METTL25: variants seen among roughly 807,000 people sequenced by gnomAD.
The protein encoded by METTL25 is probable methyltransferase-like protein 25.
METTL25 carries 64 observed loss-of-function variants against 71.6 expected under a neutral mutation model. That is an observed-to-expected ratio of 0.89 (90% CI 0.73 to 1.10). The LOEUF is 1.10. Ranked by LOEUF, METTL25 falls within the 50% of genes least tolerant of loss-of-function variation. METTL25 has a pLI of 0.00. For missense variants in METTL25, 807 were observed against 707.0 expected (o/e 1.14, Z -1.60); for synonymous variants, 287 against 250.3 (o/e 1.15, Z -1.38).
intron 8 of METTL25, chr12:82,439,125 G>T (rs1890143474): frequency 6.1e-6 from 1 of 163,840 alleles, no homozygotes; most frequent in African/African-American, 2.4e-5. Context: ...TTCATAAACA[G>T]CATAACACTT....
At chr12:82,425,208 C>G (rs1294055059) in intron 5 of METTL25, among the ~76,000 whole-genome samples, 1 of 152,026 alleles carries the variant, frequency 6.6e-6, no homozygotes, top group Non-Finnish European at 1.5e-5. Context: ...ATTATGCCCA[C>G]CTTGTGCTTT....
At chr12:82,420,257 T>C (rs1477763985) in intron 5 of METTL25, among the ~76,000 whole-genome samples, 1 of 152,162 alleles carries the variant, frequency 6.6e-6, no homozygotes, top group South Asian at 2.1e-4. Context: ...TTTGGAGATA[T>C]ATTGTGTGTA....
At chr12:82,395,456 T>G (rs575648683) in intron 3 of METTL25, among the ~76,000 whole-genome samples, 2 of 152,126 alleles carry the variant, frequency 1.3e-5, no homozygotes, top group South Asian at 2.1e-4. Context: ...GTAGCTCTGG[T>G]AAGTGATGAG....
At chr12:82,423,075 C>T in intron 5 of METTL25, among the ~76,000 whole-genome samples, 1 of 152,110 alleles carries the variant, frequency 6.6e-6, no homozygotes, top group African/African-American at 2.4e-5. Context: ...AAAAAGCCCT[C>T]ATTGCCAAGT....
chr12:82,454,188 CAAAGA>C (rs1197783009), intron 8 of METTL25, among the ~76,000 whole-genome samples: 4 of 151,408 alleles, frequency 2.6e-5, no homozygotes, highest in African/African-American at 9.7e-5. Flanking sequence ...ATCAGAGAAA[CAAAGA>C]AGAGAGAGTA....
chr12:82,438,870 G>T (rs1890124650), intron 8 of METTL25, 79 bp downstream of exon 8: 2 of 1,336,034 alleles, frequency 1.5e-6, no homozygotes, highest in East Asian at 5.4e-5. Flanking sequence ...GTGAATTTAT[G>T]CAGGGTCACT....
At chr12:82,437,990 G>A (rs944850067) in intron 7 of METTL25, among the ~76,000 whole-genome samples, 1 of 151,682 alleles carries the variant, frequency 6.6e-6, no homozygotes, top group Non-Finnish European at 1.5e-5. Context: ...TGTTGCTGCA[G>A]TGAAGTGCTC....
chr12:82,422,292 A>G (rs1198612270), intron 5 of METTL25, among the ~76,000 whole-genome samples: 1 of 152,194 alleles, frequency 6.6e-6, no homozygotes, highest in African/African-American at 2.4e-5. Context: ...ACCAAAGACA[A>G]AAACCACATG....
At chr12:82,407,608 G>T (rs1298743665) in intron 5 of METTL25, among the ~76,000 whole-genome samples, 1 of 152,034 alleles carries the variant, frequency 6.6e-6, no homozygotes, top group African/African-American at 2.4e-5. Context: ...ATGAATAGAC[G>T]ATTGGGAGTT....
intron 5 of METTL25, among the ~76,000 whole-genome samples, chr12:82,422,954 G>C (rs1565852004): frequency 6.6e-6 from 1 of 152,144 alleles, no homozygotes; most frequent in East Asian, 1.9e-4. Context: ...TCAATATTGT[G>C]AAAATGGCCA....
intron 8 of METTL25, among the ~76,000 whole-genome samples, chr12:82,441,806 A>AACACACACACAC (rs57098687): frequency 0.14 from 18,577 of 133,816 alleles, 1,629 homozygotes; most frequent in East Asian, 0.27. Context: ...AAAAAATAGA[A>AACACACACACAC]ACACACACAC....
In METTL25 at chr12:82,389,891, G is replaced by A. The variant is rs373003458; in HGVS notation, c.500G>A (p.Ser167Asn). 30 of 1,589,412 alleles carry A rather than the reference G, an allele frequency of 1.9e-5. No homozygotes were observed. The highest frequency in any genetic ancestry group is 2.5e-5 in the Non-Finnish European group (29 of 1,160,250). The stretch of plus-strand genomic sequence containing the variant: ...GTTCAGGCAATGTCAGAGCTGATCA[G>A]CAGTATTGCTGACTACTATGGAATA... ...HEVQAMSELISSIADYYGIKQ... is the reference protein window; with the variant it reads ...HEVQAMSELINSIADYYGIKQ... The change falls in exon 3 of 12, where the codon AGC (serine) becomes AAC (asparagine). Residue 167 changes from serine to asparagine, a missense_variant. Physicochemically the swap from Ser to Asn is conservative, Grantham distance 46 (BLOSUM62 1). Transcript: ENST00000248306.
chr12:82,479,042 T>A lies in METTL25; in HGVS notation c.*18T>A. 1 of 1,597,574 alleles carries A rather than the reference T, an allele frequency of 6.3e-7. No homozygotes were observed. Among genetic ancestry groups the A allele is most frequent in the Non-Finnish European group, 8.6e-7 (1 of 1,165,708 alleles). ...AGCAGTGATTTCCATTGAAGCAAAT[T>A]ATTAGATGTATTTCTCTATGAGACC... On this transcript the variant is annotated 3_prime_UTR_variant, in exon 12 of 12. Transcript: ENST00000248306.
chr12:82,427,792 G>T (rs1592707727), intron 5 of METTL25, among the ~76,000 whole-genome samples: 1 of 77,652 alleles, frequency 1.3e-5, no homozygotes, highest in Non-Finnish European at 2.8e-5. Flanking sequence ...GTTTATTCTA[G>T]TGTGATATAC....
At chr12:82,402,191 T>A (rs1043261020) in intron 4 of METTL25, among the ~76,000 whole-genome samples, 5 of 151,950 alleles carry the variant, frequency 3.3e-5, no homozygotes, top group African/African-American at 7.2e-5. Context: ...TTGGAAAAAA[T>A]TTTTTAATTA....
intron 5 of METTL25, among the ~76,000 whole-genome samples, chr12:82,426,759 C>T (rs1206999653): frequency 6.6e-6 from 1 of 151,956 alleles, no homozygotes; most frequent in Non-Finnish European, 1.5e-5. Context: ...CCATCTGTAT[C>T]ACCTGGAAAC....
At chr12:82,406,340 C>T (rs1429863311) in intron 5 of METTL25, among the ~76,000 whole-genome samples, 1 of 151,944 alleles carries the variant, frequency 6.6e-6, no homozygotes, top group Admixed American at 6.6e-5. Context: ...AAGTAAGTCC[C>T]CGTACCTATA....
intron 1 of METTL25, among the ~76,000 whole-genome samples, chr12:82,378,419 GA>G (rs769539240): frequency 8.6e-5 from 13 of 152,040 alleles, no homozygotes; most frequent in Non-Finnish European, 1.5e-4. Flanking sequence ...GAGCTAGATA[GA>G]AAAAAAGTAT....
At chr12:82,448,616 A>G (rs1292883208) in intron 8 of METTL25, among the ~76,000 whole-genome samples, 1 of 152,092 alleles carries the variant, frequency 6.6e-6, no homozygotes, top group Non-Finnish European at 1.5e-5. Context: ...ACCTATAATT[A>G]TGTTACCTAG....
Sources: allele counts gnomAD v4.1 joint callset (sites outside exome capture counted in the v4.1 genomes callset), GRCh38; gene constraint gnomAD v4.1.1; transcripts MANE v1.5; gene names NCBI Gene and HGNC (gene_info 2026-07-23, HGNC 2026-07-21).